NABP2: variants seen among roughly 807,000 people sequenced by gnomAD.
NABP2 encodes SOSS complex subunit B1.
In NABP2, 7 loss-of-function variants were observed where a neutral mutation model predicts 22.7. That is an observed-to-expected ratio of 0.31 (90% CI 0.18 to 0.58). The LOEUF is 0.58. Among genes scored for constraint, NABP2 ranks in the 20% least tolerant of loss-of-function variants. NABP2 has a pLI of 0.89. For missense variants in NABP2, 188 were observed against 265.9 expected, an observed-to-expected ratio of 0.71 and a Z score of 2.04; for synonymous variants, 107 against 99.2, an observed-to-expected ratio of 1.08 and a Z score of -0.47.
chr12:56,228,911 A>T, intron 6 of NABP2, 103 bp from the exon 7 acceptor site: 6 of 1,064,168 alleles, frequency 5.6e-6, no homozygotes, highest in Non-Finnish European at 7.0e-6. Context: ...GCAGTTGTGC[A>T]TGGTGAAGAC....
intron 1 of NABP2, 148 bp from the exon 2 acceptor site, chr12:56,224,686 C>G: frequency 1.1e-6 from 1 of 894,130 alleles, no homozygotes; most frequent in Non-Finnish European, 1.6e-6. Flanking sequence ...TTGGAGGCCT[C>G]CGGGGATGTT....
At chr12:56,225,778 A>G in intron 4 of NABP2, 83 bp downstream of exon 4, 1 of 1,358,604 alleles carries the variant, frequency 7.4e-7, no homozygotes, top group Non-Finnish European at 1.0e-6. Flanking sequence ...GTGCAGTCCA[A>G]GCCTCATTTC....
chr12:56,225,827 A>G (rs1302537701), intron 4 of NABP2, 132 bp downstream of exon 4: 11 of 1,038,012 alleles, frequency 1.1e-5, no homozygotes, highest in Non-Finnish European at 1.3e-5. Flanking sequence ...GTTTTGAGAA[A>G]CAGTCTCTGT....
At position 56,225,497 on chromosome 12, in the gene NABP2, C is replaced by G. The variant is rs747943256; in HGVS notation, c.204C>G (p.Ile68Met). ...ATCTGATCCAGCCTGGGGACATTAT[C>G]CGGCTCACCAAAGGGTAAGTCAGCT... ...VGNLIQPGDIIRLTKGYASVF... is the reference protein window; with the variant it reads ...VGNLIQPGDIMRLTKGYASVF... Residue 68 changes from isoleucine to methionine, a missense_variant, in exon 3 of 7, where the codon ATC (isoleucine) becomes ATG (methionine). Coordinates refer to ENST00000267023, the MANE Select transcript of NABP2 (RefSeq NM_024068.4). 1.2e-6 allele frequency: 2 copies of G among 1,614,234 alleles called. No individual in the cohort carries two copies. Among genetic ancestry groups the G allele is most frequent in the East Asian group, 4.5e-5 (2 of 44,886 alleles).
chr12:56,222,250 A>G (rs1869522086), upstream of NABP2: 1 of 152,236 alleles, frequency 6.6e-6, no homozygotes, highest in Non-Finnish European at 1.5e-5. Context: ...CATTGCGGAG[A>G]GGCAGGCCTG....
intron 2 of NABP2, 67 bp downstream of exon 2, chr12:56,225,002 G>T: frequency 8.1e-7 from 1 of 1,230,672 alleles, no homozygotes. Context: ...AACGCTGTCT[G>T]CGTTCTTAAC....
At chr12:56,226,611 G>A (rs1869779934) in intron 6 of NABP2, among the ~76,000 whole-genome samples, 192 bp downstream of exon 6, 1 of 128,558 alleles carries the variant, frequency 7.8e-6, no homozygotes, top group Non-Finnish European at 1.6e-5. Context: ...TGTCAACCAG[G>A]CTGGAGTGCA....
chr12:56,223,912 C>G (rs1397312805), upstream of NABP2, among the ~76,000 whole-genome samples: 3 of 152,176 alleles, frequency 2.0e-5, no homozygotes, highest in Admixed American at 6.5e-5. Flanking sequence ...GCCTATGCCT[C>G]CCTACGTGCT....
At chr12:56,224,236 T>A, upstream of NABP2, 1 of 754,620 alleles carries the variant, frequency 1.3e-6, no homozygotes, top group South Asian at 6.0e-5. Flanking sequence ...CGCACGAGTC[T>A]CTGATCCCGA....
chr12:56,227,233 A>G (rs1869815497), intron 6 of NABP2, among the ~76,000 whole-genome samples: 1 of 151,918 alleles, frequency 6.6e-6, no homozygotes, highest in African/African-American at 2.4e-5. Context: ...AAAATTAGCC[A>G]GATGTGGTGG....
At chr12:56,223,490 T>G (rs1344941667), upstream of NABP2, 1 of 150,652 alleles carries the variant, frequency 6.6e-6, no homozygotes, top group Non-Finnish European at 1.5e-5. Context: ...TAAGCCAAGA[T>G]TGCACCACTA....
intron 6 of NABP2, among the ~76,000 whole-genome samples, chr12:56,228,578 G>T (rs1271012796): frequency 6.6e-6 from 1 of 151,934 alleles, no homozygotes; most frequent in African/African-American, 2.4e-5. Flanking sequence ...AGTAGAGACG[G>T]GGTTTCACTA....
At position 56,229,099 on chromosome 12, in the gene NABP2, A is replaced by G; in HGVS notation, c.522A>G (p.Pro174=). 5.4e-6 allele frequency: 2 copies of G among 372,074 alleles called. No individual in the cohort carries two copies. The highest frequency in any genetic ancestry group is 1.0e-5 in the Non-Finnish European group (2 of 196,512). 23.0% of individuals were successfully genotyped at this position (372,074 alleles called of 1,614,324 possible). ...ATCCCCCTCATACTCCCTCCCACCCACCCAGCACCCGAATCACTCGAAGCC... is the reference window on the plus strand; with the variant it reads ...ATCCCCCTCATACTCCCTCCCACCCGCCCAGCACCCGAATCACTCGAAGCC... The part of the protein sequence containing the change: ...GPHPPHTPSH[P]PSTRITRSQP... The change falls in exon 7 of 7, where the codon CCA becomes CCG. Residue 174 remains proline (P), a synonymous_variant. Transcript: ENST00000267023.
chr12:56,225,750 A>T, intron 4 of NABP2, 55 bp downstream of exon 4: 2 of 1,567,684 alleles, frequency 1.3e-6, no homozygotes. Flanking sequence ...AGGGGTTTGC[A>T]AGGAGGCAGC....
upstream of NABP2, among the ~76,000 whole-genome samples, chr12:56,223,259 C>G (rs975443056): frequency 6.6e-6 from 1 of 151,278 alleles, no homozygotes; most frequent in African/African-American, 2.4e-5. Context: ...AGCGGTGGGG[C>G]GGGGCGGGGA....
At chr12:56,224,523 T>C (rs1869666365) in intron 1 of NABP2, 82 bp downstream of exon 1, 1 of 1,127,794 alleles carries the variant, frequency 8.9e-7, no homozygotes, top group Admixed American at 3.9e-5. Flanking sequence ...ATCTGGCCAG[T>C]AAGATTCTAC....
In NABP2 at chr12:56,229,367, T is replaced by G. The variant is rs890749626; in HGVS notation, c.*154T>G. The G allele has an allele frequency of 1.5e-5, 11 of 720,766 alleles. No homozygotes were observed. In the African/African-American group the frequency reaches 1.8e-4, roughly 12 times the overall value. The allele number at this position is 720,766 out of a possible 1,614,324, so 44.6% of individuals were successfully genotyped here. On this transcript the variant is annotated 3_prime_UTR_variant, in exon 7 of 7. Transcript: ENST00000267023. ...GTCCTTATCCACCCTAATCTCATAC[T>G]CCCTCATTGTCCAGCTGAACTACCT...
At chr12:56,227,740 G>C (rs977208717) in intron 6 of NABP2, among the ~76,000 whole-genome samples, 1 of 152,130 alleles carries the variant, frequency 6.6e-6, no homozygotes, top group Non-Finnish European at 1.5e-5. Context: ...CTTGAGCAAG[G>C]AGTTTGAGGC....
intron 6 of NABP2, 134 bp downstream of exon 6, chr12:56,226,553 A>AC (rs1291094837): frequency 5.8e-5 from 20 of 346,268 alleles, no homozygotes; most frequent in African/African-American, 7.2e-5. Flanking sequence ...ATTCTCCCAG[A>AC]CCCCTTTTTT....
Sources: allele counts gnomAD v4.1 joint callset (sites outside exome capture counted in the v4.1 genomes callset), GRCh38; gene constraint gnomAD v4.1.1; transcripts MANE v1.5; gene names NCBI Gene and HGNC (gene_info 2026-07-23, HGNC 2026-07-21).